Variants in BCKDHB observed in about 807,000 individuals in gnomAD.
BCKDHB encodes 2-oxoisovalerate dehydrogenase subunit beta, mitochondrial.
BCKDHB carries 41 observed loss-of-function variants against 48.5 expected under a neutral mutation model. That is an observed-to-expected ratio of 0.85 (90% CI 0.66 to 1.10). The LOEUF is 1.10. Ranked by LOEUF, BCKDHB falls within the 50% of genes least tolerant of loss-of-function variation. The pLI is 0.00. For synonymous variants in BCKDHB, 201 were observed against 174.8 expected (o/e 1.15, Z -1.18); for missense variants, 496 against 494.2 (o/e 1.00, Z -0.03).
the BCKDHB span, among the ~76,000 whole-genome samples, chr6:80,397,256 G>A: frequency 6.6e-6 from 1 of 152,080 alleles, no homozygotes; most frequent in Non-Finnish European, 1.5e-5. Context: ...GTATTTGGAG[G>A]CTTTTATAGT....
chr6:80,429,132 C>T, the BCKDHB span, among the ~76,000 whole-genome samples: 7 of 152,170 alleles, frequency 4.6e-5, no homozygotes, highest in Non-Finnish European at 5.9e-5. Flanking sequence ...ATAGGGAATC[C>T]TTTCCCCGTT....
At chr6:80,390,321 G>C in the BCKDHB span, among the ~76,000 whole-genome samples, 1 of 12,044 alleles carries the variant, frequency 8.3e-5, no homozygotes, top group East Asian at 0.038. Flanking sequence ...GGGTCACTCC[G>C]CCAGGAAAAA....
chr6:80,209,394 C>G (rs1377974731), intron 8 of BCKDHB, among the ~76,000 whole-genome samples: 2 of 151,820 alleles, frequency 1.3e-5, no homozygotes, highest in African/African-American at 4.8e-5. Flanking sequence ...CCAGAGCAAT[C>G]TTGAAGAAGA....
chr6:80,394,737 G>A, the BCKDHB span, among the ~76,000 whole-genome samples: 3 of 152,138 alleles, frequency 2.0e-5, no homozygotes. Context: ...TATTTCCTCA[G>A]TAAGGGAGTA....
intron 1 of BCKDHB, among the ~76,000 whole-genome samples, chr6:80,109,976 C>T (rs1175149748): frequency 6.6e-6 from 1 of 152,168 alleles, no homozygotes; most frequent in Non-Finnish European, 1.5e-5. Context: ...AAGATTTTGT[C>T]TGTTAAAAAA....
At chr6:80,116,837 T>C (rs1271557441) in intron 1 of BCKDHB, among the ~76,000 whole-genome samples, 2 of 152,240 alleles carry the variant, frequency 1.3e-5, no homozygotes, top group Admixed American at 1.3e-4. Flanking sequence ...GCTTAATAAA[T>C]TTTTAGTGAT....
chr6:80,342,762 C>T (rs1422897409), intron 9 of BCKDHB, among the ~76,000 whole-genome samples: 2 of 151,980 alleles, frequency 1.3e-5, no homozygotes, highest in African/African-American at 4.8e-5. Flanking sequence ...GCACTTCAGC[C>T]TGGGCGAGAG....
chr6:80,448,900 T>C, the BCKDHB span, among the ~76,000 whole-genome samples: 1 of 152,246 alleles, frequency 6.6e-6, no homozygotes, highest in Non-Finnish European at 1.5e-5. Flanking sequence ...AAAATACCCA[T>C]GTAACAAACC....
chr6:80,169,175 A>G, intron 5 of BCKDHB, 145 bp downstream of exon 5: 2 of 1,116,656 alleles, frequency 1.8e-6, no homozygotes, highest in Non-Finnish European at 1.3e-6. Context: ...TAAGAAGGGG[A>G]GGTTAGCAGT....
At chr6:80,315,153 T>A (rs138438640) in intron 9 of BCKDHB, among the ~76,000 whole-genome samples, 1 of 152,274 alleles carries the variant, frequency 6.6e-6, no homozygotes, top group East Asian at 1.9e-4. Flanking sequence ...TAGGGGTATG[T>A]ATGAACCTCC....
At chr6:80,405,506 G>A in the BCKDHB span, among the ~76,000 whole-genome samples, 304 of 152,120 alleles carry the variant, frequency 2.0e-3, no homozygotes, top group African/African-American at 7.0e-3. Flanking sequence ...TTTGATTGGA[G>A]AATTTAATAC....
the BCKDHB span, among the ~76,000 whole-genome samples, chr6:80,393,040 AAG>A: frequency 6.6e-6 from 1 of 151,880 alleles, no homozygotes; most frequent in Non-Finnish European, 1.5e-5. Flanking sequence ...AATACCCTGA[AAG>A]AGTTTTTTCA....
At chr6:80,353,118 C>T in the BCKDHB span, among the ~76,000 whole-genome samples, 1 of 152,078 alleles carries the variant, frequency 6.6e-6, no homozygotes, top group African/African-American at 2.4e-5. Flanking sequence ...TCCATGTGTA[C>T]ACATTTTTTA....
At chr6:80,392,560 C>T in the BCKDHB span, among the ~76,000 whole-genome samples, 1 of 151,474 alleles carries the variant, frequency 6.6e-6, no homozygotes, top group African/African-American at 2.4e-5. Flanking sequence ...CCTTATTGTT[C>T]TTAATGTTTA....
intron 1 of BCKDHB, among the ~76,000 whole-genome samples, chr6:80,108,366 T>C (rs1322435195): frequency 6.6e-6 from 1 of 151,188 alleles, no homozygotes; most frequent in Non-Finnish European, 1.5e-5. Context: ...CAAAGCAAAT[T>C]CTGTCTTCAA....
chr6:80,425,582 T>A, the BCKDHB span, among the ~76,000 whole-genome samples: 2 of 152,142 alleles, frequency 1.3e-5, no homozygotes, highest in Non-Finnish European at 2.9e-5. Context: ...TGAAAAAAGG[T>A]TATTTTGTTC....
At chr6:80,450,800 A>C in the BCKDHB span, among the ~76,000 whole-genome samples, 2 of 152,186 alleles carry the variant, frequency 1.3e-5, no homozygotes, top group Non-Finnish European at 2.9e-5. Context: ...TGGGATTCCA[A>C]ACGGGGTAGA....
chr6:80,371,947 T>C, the BCKDHB span, among the ~76,000 whole-genome samples: 1 of 152,164 alleles, frequency 6.6e-6, no homozygotes, highest in Non-Finnish European at 1.5e-5. Context: ...TTGCTTCATC[T>C]TGCTTTGGCT....
chr6:80,203,608 T>C (rs1774502559), intron 8 of BCKDHB, among the ~76,000 whole-genome samples: 2 of 152,082 alleles, frequency 1.3e-5, no homozygotes, highest in South Asian at 4.1e-4. Flanking sequence ...GAATTTTCAT[T>C]TATCTTCTCT....
Sources: allele counts gnomAD v4.1 joint callset (sites outside exome capture counted in the v4.1 genomes callset), GRCh38; gene constraint gnomAD v4.1.1; transcripts MANE v1.5; gene names NCBI Gene and HGNC (gene_info 2026-07-23, HGNC 2026-07-21).